Variants in PTPRO observed in about 807,000 individuals in gnomAD.
PTPRO encodes receptor-type tyrosine-protein phosphatase O.
A neutral mutation model predicts 145.2 loss-of-function variants in PTPRO; 62 were observed. The observed-to-expected ratio is 0.43, with a 90% CI of 0.35 to 0.53. The LOEUF (loss-of-function observed/expected upper bound fraction) is 0.53, where lower values mean the gene tolerates loss of function less well. Among genes scored for constraint, PTPRO ranks in the 20% least tolerant of loss-of-function variants. The pLI, the probability that PTPRO is intolerant of heterozygous loss-of-function variation, is 0.01. For missense variants in PTPRO, 1,345 were observed against 1,482.7 expected (o/e 0.91, Z 1.53); for synonymous variants, 565 against 514.7 (o/e 1.10, Z -1.32).
chr12:15,551,774 G>A lies in PTPRO; in HGVS notation c.2558+103G>A, dbSNP rs1943468328. 2 of 1,309,200 alleles carry A rather than the reference G, an allele frequency of 1.5e-6. 1 individual carries two copies. The highest frequency in any genetic ancestry group is 3.9e-5 in the Admixed American group (2 of 51,304). 81.1% of individuals were successfully genotyped at this position (1,309,200 alleles called of 1,614,324 possible). A position where few individuals can be genotyped will look rare whatever the true frequency, so the allele number is the denominator to read the frequency against. On this transcript the variant is annotated intron_variant, in intron 15 of 26. Transcript: ENST00000281171. ...ACCTAAGTTGTATAGCGGTATATTG[G>A]ATTTTAGTTTTCAGTGTCTGTTTCT...
At chr12:15,449,219 T>C (rs1365117527) in intron 1 of PTPRO, among the ~76,000 whole-genome samples, 1 of 152,156 alleles carries the variant, frequency 6.6e-6, no homozygotes, top group Non-Finnish European at 1.5e-5. Flanking sequence ...TTTGAACAGT[T>C]TGAACACTTA....
chr12:15,514,103 T>C (rs1398883909), intron 7 of PTPRO, among the ~76,000 whole-genome samples: 1 of 152,208 alleles, frequency 6.6e-6, no homozygotes, highest in East Asian at 1.9e-4. Flanking sequence ...TATTCATCTA[T>C]ACGTTCTCAC....
At chr12:15,520,117 TA>T in intron 9 of PTPRO, 83 bp from the exon 10 acceptor site, 1 of 863,432 alleles carries the variant, frequency 1.2e-6, no homozygotes, top group South Asian at 1.4e-5. Context: ...AATTACTTAT[TA>T]ATTTTTTATG....
In PTPRO at chr12:15,499,427, A is replaced by AT. The variant is rs752090426; in HGVS notation, c.509-11dup. 16 of 1,610,280 alleles carry AT rather than the reference A, an allele frequency of 9.9e-6. No homozygotes were observed. Among genetic ancestry groups the AT allele is most frequent in the Non-Finnish European group, 1.4e-5 (16 of 1,176,696 alleles). Reference sequence around the variant, plus strand: ...GAAGACCATATTTTTCATGTAATTGATTTTCTCTTCACAGATTTCTTTAAG... The same window carrying AT: ...GAAGACCATATTTTTCATGTAATTGATTTTTCTCTTCACAGATTTCTTTAAG... On this transcript the variant is annotated splice_polypyrimidine_tract_variant and intron_variant, in intron 3 of 26. Transcript: ENST00000281171.
chr12:15,558,942 C>A (rs931329457), intron 16 of PTPRO, among the ~76,000 whole-genome samples: 1 of 152,104 alleles, frequency 6.6e-6, no homozygotes, highest in African/African-American at 2.4e-5. Context: ...AATCCATCAA[C>A]CCTTGATGGT....
At chr12:15,529,269 G>A (rs941134614) in intron 12 of PTPRO, among the ~76,000 whole-genome samples, 1 of 152,164 alleles carries the variant, frequency 6.6e-6, no homozygotes, top group Non-Finnish European at 1.5e-5. Flanking sequence ...GGGTGGTGGA[G>A]AGAGATGAAG....
chr12:15,587,618 A>G lies in PTPRO; in HGVS notation c.3410+567A>G, dbSNP rs181426755. Among the ~76,000 whole-genome samples the G allele has an allele frequency of 4.6e-5, 7 of 152,370 alleles. No homozygotes were observed. The East Asian group carries it at 1.3e-3, about 29-fold the overall frequency. Reference sequence around the variant, plus strand: ...GTCAGACAGTAGAATGAAAAAGGATATAGGATATAAAAAAATCAAGGTCCA... The same window carrying G: ...GTCAGACAGTAGAATGAAAAAGGATGTAGGATATAAAAAAATCAAGGTCCA... On this transcript the variant is annotated intron_variant, in intron 24 of 26. Transcript: ENST00000281171.
intron 11 of PTPRO, 114 bp from the exon 12 acceptor site, chr12:15,526,028 G>C: frequency 7.5e-7 from 1 of 1,324,528 alleles, no homozygotes; most frequent in Non-Finnish European, 1.1e-6. Context: ...ATCAATTGCA[G>C]ACTGCTGCAT....
chr12:15,439,854 T>C (rs1940709222), intron 1 of PTPRO: 2 of 629,960 alleles, frequency 3.2e-6, no homozygotes, highest in Admixed American at 2.2e-5. Context: ...AAGATTATGA[T>C]GGTGCAGAAG....
intron 13 of PTPRO, among the ~76,000 whole-genome samples, chr12:15,548,119 G>A (rs367544099): frequency 1.3e-5 from 2 of 151,870 alleles, no homozygotes; most frequent in African/African-American, 4.8e-5. Context: ...AAAAGGTAAA[G>A]GTCAACAACC....
At chr12:15,395,951 C>G (rs1939326981) in intron 1 of PTPRO, among the ~76,000 whole-genome samples, 1 of 152,018 alleles carries the variant, frequency 6.6e-6, no homozygotes, top group African/African-American at 2.4e-5. Context: ...ATAATCAGGC[C>G]TTTGGGATTA....
intron 1 of PTPRO, among the ~76,000 whole-genome samples, chr12:15,357,109 G>C (rs1375484022): frequency 6.6e-6 from 1 of 152,268 alleles, no homozygotes; most frequent in East Asian, 1.9e-4. Flanking sequence ...CAAGTAATTC[G>C]GTATAAGCAG....
At chr12:15,333,874 G>T (rs577378138) in intron 1 of PTPRO, among the ~76,000 whole-genome samples, 1 of 152,158 alleles carries the variant, frequency 6.6e-6, no homozygotes, top group South Asian at 2.1e-4. Flanking sequence ...TCATAAATAG[G>T]TTCCCTTGTG....
intron 1 of PTPRO, among the ~76,000 whole-genome samples, chr12:15,477,708 G>T (rs1254179210): frequency 6.6e-6 from 1 of 152,082 alleles, no homozygotes; most frequent in Non-Finnish European, 1.5e-5. Flanking sequence ...GGGCAAAGCA[G>T]CCCACCAGGA....
At chr12:15,460,668 T>A (rs1941281000) in intron 1 of PTPRO, among the ~76,000 whole-genome samples, 1 of 152,028 alleles carries the variant, frequency 6.6e-6, no homozygotes. Flanking sequence ...GAAAAATAAG[T>A]TGATTTGGTA....
intron 12 of PTPRO, among the ~76,000 whole-genome samples, chr12:15,532,886 A>C (rs1208369301): frequency 6.6e-6 from 1 of 152,170 alleles, no homozygotes; most frequent in Non-Finnish European, 1.5e-5. Flanking sequence ...CTAATACAGG[A>C]AGCTATTAAG....
intron 1 of PTPRO, among the ~76,000 whole-genome samples, chr12:15,456,839 C>T (rs1232284180): frequency 6.6e-6 from 1 of 152,050 alleles, no homozygotes; most frequent in Non-Finnish European, 1.5e-5. Flanking sequence ...TTTGTATTCT[C>T]TCTTTTTTCC....
intron 4 of PTPRO, among the ~76,000 whole-genome samples, chr12:15,500,240 A>G (rs115063158): frequency 1.3e-5 from 2 of 152,306 alleles, no homozygotes; most frequent in East Asian, 3.9e-4. Context: ...GGCCATTCTG[A>G]TGAGCATCAG....
In PTPRO at chr12:15,440,060, G is replaced by C. The variant is rs1940717807; in HGVS notation, c.76-43914G>C. 4.7e-6 allele frequency: 3 copies of C among 642,184 alleles called. No homozygotes were observed. In the African/African-American group the frequency reaches 5.4e-5, roughly 12 times the overall value. The allele number at this position is 642,184 out of a possible 1,614,324, so 39.8% of individuals were successfully genotyped here. A position where few individuals can be genotyped will look rare whatever the true frequency, so the allele number is the denominator to read the frequency against. On this transcript the variant is annotated intron_variant, in intron 1 of 26. Coordinates refer to ENST00000281171, the MANE Select transcript of PTPRO (RefSeq NM_030667.3). ...TAACAAGATCTGCAAGCCCCACACT[G>C]TCCCTTGCAAGGTGACAGACCGCTG...
Sources: allele counts gnomAD v4.1 joint callset (sites outside exome capture counted in the v4.1 genomes callset), GRCh38; gene constraint gnomAD v4.1.1; transcripts MANE v1.5; gene names NCBI Gene and HGNC (gene_info 2026-07-23, HGNC 2026-07-21).